Variants in PASD1 observed in about 807,000 individuals in gnomAD.
PASD1 encodes PAS domain containing repressor 1.
Under a neutral mutation model 58.8 loss-of-function variants are expected in PASD1, and 13 were observed. That is an observed-to-expected ratio of 0.22 (90% confidence interval 0.14 to 0.35). The LOEUF is 0.35. PASD1 is among the 10% of genes least tolerant of loss of function. The pLI is 1.00. For missense variants in PASD1, 734 were observed against 568.3 expected (o/e 1.29, Z -2.96); for synonymous variants, 236 against 216.7 (o/e 1.09, Z -0.78).
At chrX:151,618,736 C>T (rs937028750) in intron 4 of PASD1, among the ~76,000 whole-genome samples, 2 of 111,326 alleles carry the variant, frequency 1.8e-5, no homozygotes, top group South Asian at 3.8e-4. Context: ...TATTTGGGAA[C>T]GAGTGCTTCA....
At chrX:151,650,392 A>T (rs1442944456) in intron 9 of PASD1, among the ~76,000 whole-genome samples, 2 of 97,863 alleles carry the variant, frequency 2.0e-5, no homozygotes, top group Non-Finnish European at 2.2e-5. Flanking sequence ...TTTAAAAAAA[A>T]AAAGAAACAC....
rs200997692 is a variant in PASD1, at chrX:151,653,664, TTTCCTTCC to T, written c.717+4983_717+4990del. On this transcript the variant is annotated intron_variant, in intron 9 of 15. Coordinates refer to ENST00000370357, the MANE Select transcript of PASD1 (RefSeq NM_173493.3). The stretch of plus-strand genomic sequence containing the variant: ...CAGCTTAGGGATGTTTTCTTCCTTC[TTTCCTTCC>T]TTCCTTCCTTCCTTCCTTCCCTCCT... Among the ~76,000 whole-genome samples the T allele has an allele frequency of 3.6e-4, 35 of 96,236 alleles. 1 individual carries two copies. The highest frequency in any genetic ancestry group is 5.6e-4 in the Non-Finnish European group (27 of 48,042). 83.6% of individuals were successfully genotyped at this position (96,236 alleles called of 115,157 possible).
chrX:151,656,766 G>A (rs1307405009), intron 9 of PASD1, among the ~76,000 whole-genome samples: 3 of 111,729 alleles, frequency 2.7e-5, no homozygotes, highest in South Asian at 3.8e-4. Flanking sequence ...GGGCTGAGAC[G>A]ATGGGGTTTT....
chrX:151,659,927 C>A, intron 10 of PASD1, 91 bp downstream of exon 10: 1 of 847,045 alleles, frequency 1.2e-6, no homozygotes, highest in Non-Finnish European at 1.6e-6. Context: ...ATATAATGCT[C>A]TATAATACTG....
rs372831226 is a variant in PASD1, at chrX:151,612,756, G to A, written c.207+1003G>A. Among the ~76,000 whole-genome samples the A allele has an allele frequency of 7.6e-3, 848 of 111,050 alleles. 7 individuals carry two copies. The highest frequency in any genetic ancestry group is 0.017 in the African/African-American group (514 of 30,524). ...GAGTAGATTGCAAAAATTTTCTCCC[G>A]TTCTGTAGGTTGCCTGTTCACTCTG... On this transcript the variant is annotated intron_variant, in intron 4 of 15. Coordinates refer to ENST00000370357, the MANE Select transcript of PASD1 (RefSeq NM_173493.3).
At chrX:151,618,686 G>A (rs930140900) in intron 4 of PASD1, among the ~76,000 whole-genome samples, 2 of 111,988 alleles carry the variant, frequency 1.8e-5, no homozygotes, top group East Asian at 5.6e-4. Flanking sequence ...ATACTTTTGA[G>A]TAAAGACCTG....
At chrX:151,634,142 A>G (rs188282720) in intron 8 of PASD1, among the ~76,000 whole-genome samples, 10 of 111,543 alleles carry the variant, frequency 9.0e-5, no homozygotes, top group African/African-American at 3.3e-4. Context: ...GAATATTGGC[A>G]GGAACTATAT....
intron 8 of PASD1, among the ~76,000 whole-genome samples, chrX:151,644,060 C>T (rs755309008): frequency 9.0e-6 from 1 of 111,581 alleles, no homozygotes; most frequent in East Asian, 2.8e-4. Flanking sequence ...TATTCTGAAC[C>T]GATCCAAATT....
rs780889184 is a variant in PASD1 at position 151,594,934 on chromosome X, A to AC, written c.-27-6586dup. Reference sequence around the variant, plus strand: ...TGTAGAATTCTAGGTTGATTTTCCAACCCCCCCTTCCCAGCACTTTAAAGA... The same window carrying AC: ...TGTAGAATTCTAGGTTGATTTTCCAACCCCCCCCTTCCCAGCACTTTAAAGA... On this transcript the variant is annotated intron_variant, in intron 1 of 15. Coordinates refer to ENST00000370357, the MANE Select transcript of PASD1 (RefSeq NM_173493.3). Among the ~76,000 whole-genome samples, 23 of 109,344 alleles carry AC rather than the reference A, an allele frequency of 2.1e-4. No individual in the cohort carries two copies. The East Asian group carries it at 2.9e-3, about 14-fold the overall frequency. The allele number at this position is 109,344 out of a possible 115,157, so 95.0% of individuals were successfully genotyped here. A position where few individuals can be genotyped will look rare whatever the true frequency, so the allele number is the denominator to read the frequency against.
intron 1 of PASD1, among the ~76,000 whole-genome samples, chrX:151,569,803 A>AG (rs1346658905): frequency 9.0e-6 from 1 of 110,687 alleles, no homozygotes; most frequent in Non-Finnish European, 1.9e-5. Flanking sequence ...GTCAGCAAAA[A>AG]TTAGAGATAA....
intron 4 of PASD1, among the ~76,000 whole-genome samples, chrX:151,615,305 C>T (rs2013624112): frequency 9.0e-6 from 1 of 111,281 alleles, no homozygotes; most frequent in Non-Finnish European, 1.9e-5. Flanking sequence ...GTACCACACA[C>T]ACACACGCCC....
At chrX:151,618,735 ACGAG>A (rs2013668949) in intron 4 of PASD1, among the ~76,000 whole-genome samples, 1 of 111,752 alleles carries the variant, frequency 8.9e-6, no homozygotes, top group African/African-American at 3.2e-5. Context: ...ATATTTGGGA[ACGAG>A]TGCTTCACAT....
intron 7 of PASD1, 130 bp downstream of exon 7, chrX:151,623,194 T>C: frequency 1.3e-6 from 1 of 747,021 alleles, no homozygotes; most frequent in Non-Finnish European, 1.8e-6. Flanking sequence ...AGGGTTGTGC[T>C]GGGATATGTA....
rs1048325879 is a variant in PASD1, at chrX:151,664,445, A to G, written c.1071+97A>G. On this transcript the variant is annotated intron_variant, in intron 11 of 15. Transcript: ENST00000370357. ...ACTCTTGTGACCAGTTTCACTTCAC[A>G]GAAAGTATGTTTGTTACTTTTTCAA... 45 of 1,126,970 alleles carry G rather than the reference A, an allele frequency of 4.0e-5. 1 individual carries two copies. Among genetic ancestry groups the G allele is most frequent in the Middle Eastern group, 6.0e-4 (2 of 3,345 alleles). 92.9% of individuals were successfully genotyped at this position (1,126,970 alleles called of 1,213,427 possible).
At chrX:151,615,276 T>A (rs1222321792) in intron 4 of PASD1, among the ~76,000 whole-genome samples, 1 of 110,986 alleles carries the variant, frequency 9.0e-6, no homozygotes, top group East Asian at 2.8e-4. Flanking sequence ...AGAAGCTCTT[T>A]CACCCTTCAA....
chrX:151,671,331 G>A, intron 12 of PASD1, 135 bp downstream of exon 12: 1 of 778,855 alleles, frequency 1.3e-6, no homozygotes, highest in Non-Finnish European at 1.9e-6. Context: ...GCTGCCCACA[G>A]GGTGATATGG....
intron 1 of PASD1, among the ~76,000 whole-genome samples, chrX:151,596,336 A>G (rs1277152199): frequency 1.8e-5 from 2 of 111,724 alleles, no homozygotes; most frequent in Non-Finnish European, 3.8e-5. Context: ...AGGAGGAGGA[A>G]CTTAAGCTTC....
chrX:151,593,066 T>G (rs1009016490), intron 1 of PASD1, among the ~76,000 whole-genome samples: 1 of 110,862 alleles, frequency 9.0e-6, no homozygotes, highest in East Asian at 2.8e-4. Context: ...GTTTTCTTGA[T>G]TGACTTCCTT....
chrX:151,572,338 A>G (rs1408741168), intron 1 of PASD1, among the ~76,000 whole-genome samples: 1 of 111,627 alleles, frequency 9.0e-6, no homozygotes, highest in African/African-American at 3.3e-5. Flanking sequence ...GTTTGGGGGC[A>G]TGAATGATGA....
Sources: allele counts gnomAD v4.1 joint callset (sites outside exome capture counted in the v4.1 genomes callset), GRCh38; gene constraint gnomAD v4.1.1; transcripts MANE v1.5; gene names NCBI Gene and HGNC (gene_info 2026-07-23, HGNC 2026-07-21).